HAMP: variants seen among roughly 807,000 people sequenced by gnomAD.
HAMP encodes hepcidin.
Under a neutral mutation model 7.8 loss-of-function variants are expected in HAMP, and 5 were observed. That is an observed-to-expected ratio of 0.64 (90% confidence interval 0.33 to 1.34). The LOEUF is 1.34. HAMP is among the 40% of genes most tolerant of loss of function. HAMP has a pLI of 0.05. For synonymous variants in HAMP, 52 were observed against 38.6 expected, an observed-to-expected ratio of 1.35 and a Z score of -1.28; for missense variants, 105 against 104.1, an observed-to-expected ratio of 1.01 and a Z score of -0.04.
intron 1 of HAMP, chr19:35,282,955 G>A (rs2066310582): frequency 2.6e-6 from 1 of 388,122 alleles, no homozygotes; most frequent in Non-Finnish European, 5.0e-6. Context: ...CTTGGTGGCA[G>A]GTGCCTGTAA....
In HAMP at chr19:35,284,777, C is replaced by G; in HGVS notation, c.91-12C>G. ...CCCCTGCCATCCTCTGCACCCCCTTCTGCTTTCACAGACGGGACAACTTGC... is the reference window on the plus strand; with the variant it reads ...CCCCTGCCATCCTCTGCACCCCCTTGTGCTTTCACAGACGGGACAACTTGC... On this transcript the variant is annotated splice_polypyrimidine_tract_variant and intron_variant, in intron 1 of 2. Coordinates refer to ENST00000222304, the MANE Select transcript of HAMP (RefSeq NM_021175.4). 6.2e-7 allele frequency: 1 copy of G among 1,612,472 alleles called. No homozygotes were observed. Among genetic ancestry groups the G allele is most frequent in the Non-Finnish European group, 8.5e-7 (1 of 1,178,504 alleles).
Sources: gnomAD v4.1 joint callset for allele counts on GRCh38, gnomAD v4.1.1 for gene constraint, MANE v1.5 for transcripts, NCBI Gene and HGNC (gene_info 2026-07-23, HGNC 2026-07-21) for gene names.